CSMD1: variants seen among roughly 807,000 people sequenced by gnomAD.
CSMD1 encodes CUB and Sushi multiple domains 1.
In CSMD1, 213 loss-of-function variants were observed where a neutral mutation model predicts 417.5. The observed-to-expected ratio is 0.51, with a 90% CI of 0.46 to 0.57. The LOEUF (loss-of-function observed/expected upper bound fraction) is 0.57. Ranked by LOEUF, CSMD1 falls within the 20% of genes least tolerant of loss-of-function variation. The pLI, the probability that CSMD1 is intolerant of heterozygous loss-of-function variation, is 0.00. For missense variants in CSMD1, 6,923 were observed against 4,529.7 expected, an observed-to-expected ratio of 1.53 and a Z score of -15.17; for synonymous variants, 2,862 against 1,736.8, an observed-to-expected ratio of 1.65 and a Z score of -16.11.
intron 1 of CSMD1, among the ~76,000 whole-genome samples, chr8:4,924,187 A>C (rs4507788): frequency 0.68 from 102,633 of 151,978 alleles, 35,279 homozygotes; most frequent in Middle Eastern, 0.79. Context: ...CTCTGCTAGA[A>C]AAAAATGTAG....
At chr8:3,695,713 G>A (rs987707492) in intron 7 of CSMD1, among the ~76,000 whole-genome samples, 1 of 152,144 alleles carries the variant, frequency 6.6e-6, no homozygotes, top group Non-Finnish European at 1.5e-5. Flanking sequence ...TACTAAAACA[G>A]CAGTTTGGCT....
rs77753700 is a variant in CSMD1, at chr8:4,892,483, T to C, written c.85+101849A>G. 7.9e-3 allele frequency among the ~76,000 whole-genome samples: 1,199 copies of C among 152,194 alleles called. 22 individuals are homozygous for C. The highest frequency in any genetic ancestry group is 0.028 in the African/African-American group (1,153 of 41,474). ...TGTCTTTTAATCACGTTTTACTAACTGAAAAATATAGTAAATATTTGCAAA... is the reference window on the plus strand; with the variant it reads ...TGTCTTTTAATCACGTTTTACTAACCGAAAAATATAGTAAATATTTGCAAA... On this transcript the variant is annotated intron_variant, in intron 1 of 69. Transcript: ENST00000635120.
chr8:3,100,358 G>C (rs891077316), intron 46 of CSMD1, among the ~76,000 whole-genome samples: 2 of 152,226 alleles, frequency 1.3e-5, no homozygotes, highest in Admixed American at 1.3e-4. Context: ...ACCCATGAGC[G>C]AAAGTGATTT....
At chr8:4,232,360 G>A (rs1364536416) in intron 3 of CSMD1, among the ~76,000 whole-genome samples, 2 of 152,020 alleles carry the variant, frequency 1.3e-5, no homozygotes, top group African/African-American at 4.8e-5. Flanking sequence ...CATTAAGCCT[G>A]ACTAATTTTT....
intron 1 of CSMD1, among the ~76,000 whole-genome samples, chr8:4,933,075 C>A (rs185725051): frequency 3.4e-4 from 50 of 146,342 alleles, no homozygotes; most frequent in Non-Finnish European, 4.8e-4. Flanking sequence ...ATAGCACTTT[C>A]TTTTGCGGCT....
intron 45 of CSMD1, 100 bp downstream of exon 45, chr8:3,107,618 C>A (rs575911634): frequency 5.6e-6 from 4 of 712,770 alleles, no homozygotes; most frequent in South Asian, 5.3e-5. Flanking sequence ...GTTTCTCTGA[C>A]AAATTACTCA....
At chr8:3,262,607 G>A (rs1328881011) in intron 26 of CSMD1, among the ~76,000 whole-genome samples, 2 of 151,802 alleles carry the variant, frequency 1.3e-5, no homozygotes, top group African/African-American at 2.4e-5. Context: ...AAATGTGAAA[G>A]ATTATAGTCA....
intron 3 of CSMD1, among the ~76,000 whole-genome samples, chr8:4,142,508 C>G (rs948013321): frequency 1.3e-5 from 2 of 151,290 alleles, no homozygotes; most frequent in African/African-American, 4.9e-5. Context: ...GAAAAAGGAG[C>G]TGTTCTAGAT....
chr8:4,060,537 G>C (rs998696523), intron 3 of CSMD1, among the ~76,000 whole-genome samples: 1 of 152,182 alleles, frequency 6.6e-6, no homozygotes, highest in Non-Finnish European at 1.5e-5. Flanking sequence ...GAGAAGGAGT[G>C]TGGCCTCTGC....
intron 6 of CSMD1, among the ~76,000 whole-genome samples, chr8:3,709,221 G>T (rs1335966310): frequency 6.7e-6 from 1 of 148,614 alleles, no homozygotes; most frequent in South Asian, 2.1e-4. Context: ...AATATAAAAT[G>T]TTATGATCTT....
At chr8:3,817,292 T>TTTTTTTTTTTTTA (rs1563109891) in intron 5 of CSMD1, among the ~76,000 whole-genome samples, 1 of 93,548 alleles carries the variant, frequency 1.1e-5, no homozygotes, top group African/African-American at 5.4e-5. Flanking sequence ...TTTTTTTTTT[T>TTTTTTTTTTTTTA]TTTTTTGAGA....
intron 6 of CSMD1, among the ~76,000 whole-genome samples, chr8:3,709,106 T>G (rs1364519273): frequency 6.6e-6 from 1 of 152,012 alleles, no homozygotes; most frequent in East Asian, 1.9e-4. Flanking sequence ...GAGTTAAATA[T>G]GTTTCTTGAT....
intron 10 of CSMD1, among the ~76,000 whole-genome samples, chr8:3,544,466 C>A (rs11991634): frequency 6.6e-6 from 1 of 151,816 alleles, no homozygotes; most frequent in Non-Finnish European, 1.5e-5. Flanking sequence ...TTACTCTGTC[C>A]ATGGAGTAGC....
intron 3 of CSMD1, among the ~76,000 whole-genome samples, chr8:4,157,478 T>C (rs1796898941): frequency 6.6e-6 from 1 of 152,170 alleles, no homozygotes; most frequent in African/African-American, 2.4e-5. Flanking sequence ...CCTTCCTTCC[T>C]TCCTTCTGAC....
chr8:3,333,037 C>T (rs559367132), intron 23 of CSMD1, among the ~76,000 whole-genome samples: 7 of 152,296 alleles, frequency 4.6e-5, no homozygotes, highest in Admixed American at 2.0e-4. Flanking sequence ...TTGGAGAAGC[C>T]AGCAAGGACA....
At chr8:3,779,032 G>A (rs917122101) in intron 5 of CSMD1, among the ~76,000 whole-genome samples, 3 of 152,104 alleles carry the variant, frequency 2.0e-5, no homozygotes, top group East Asian at 1.9e-4. Context: ...ATATTTGCAT[G>A]ATCAACGTTT....
intron 5 of CSMD1, among the ~76,000 whole-genome samples, chr8:3,988,401 A>C (rs1814494847): frequency 6.6e-6 from 1 of 152,238 alleles, no homozygotes; most frequent in Non-Finnish European, 1.5e-5. Context: ...AATGATAATT[A>C]GTTATGGTTT....
chr8:3,542,337 A>G (rs911201653), intron 10 of CSMD1, among the ~76,000 whole-genome samples: 1 of 152,106 alleles, frequency 6.6e-6, no homozygotes, highest in East Asian at 1.9e-4. Flanking sequence ...TGGTTCATTC[A>G]GAATCTTCAA....
chr8:4,222,893 G>A (rs188996024), intron 3 of CSMD1, among the ~76,000 whole-genome samples: 1 of 152,088 alleles, frequency 6.6e-6, no homozygotes, highest in Non-Finnish European at 1.5e-5. Context: ...ACAAAACTAT[G>A]GGCAAGTGAA....
Sources: gnomAD v4.1 joint callset for allele counts (sites outside exome capture counted in the v4.1 genomes callset) on GRCh38, gnomAD v4.1.1 for gene constraint, MANE v1.5 for transcripts, NCBI Gene and HGNC (gene_info 2026-07-23, HGNC 2026-07-21) for gene names.